KIF17: variants seen among roughly 807,000 people sequenced by gnomAD.
KIF17 encodes kinesin family member 17, also known as kinesin-like protein KIF17.
Under a neutral mutation model 96.8 loss-of-function variants are expected in KIF17, and 80 were observed. The observed-to-expected ratio is 0.83, with a 90% CI of 0.69 to 1.00. The LOEUF is 1.00. Among genes scored for constraint, KIF17 ranks in the 50% least tolerant of loss-of-function variants. The pLI is 0.00. For synonymous variants in KIF17, 567 were observed against 587.5 expected (o/e 0.97, Z 0.51); for missense variants, 1,280 against 1,372.9 (o/e 0.93, Z 1.07).
At chr1:20,711,322 T>C (rs557590222) in intron 3 of KIF17, among the ~76,000 whole-genome samples, 48 of 152,114 alleles carry the variant, frequency 3.2e-4, no homozygotes, top group Non-Finnish European at 6.2e-4. Flanking sequence ...AGGAAGGCTC[T>C]CTGCTCCCAC....
intron 6 of KIF17, among the ~76,000 whole-genome samples, chr1:20,691,624 ATTTTTTTTTTTTTT>A (rs72410884): frequency 8.1e-6 from 1 of 122,986 alleles, no homozygotes; most frequent in Non-Finnish European, 1.7e-5. Flanking sequence ...ACGTCTGGCT[ATTTTTTTTTTTTTT>A]TTTTTTTTTT....
chr1:20,686,238 C>T (rs901329046), intron 8 of KIF17, 112 bp from the exon 9 acceptor site: 2 of 823,460 alleles, frequency 2.4e-6, no homozygotes, highest in Non-Finnish European at 4.1e-6. Context: ...CACCACCCCC[C>T]AACCTCCCCT....
Position 20,690,352 on chromosome 1 carries a change from G to GGCGCA in KIF17, c.1234-18_1234-17insTGCGC. ...TTCATACTCCTGGGGGGGTGGGAGG[G>GGCGCA]ACCAGAGGGCAGGCAGCATTTTATC... On this transcript the variant is annotated splice_polypyrimidine_tract_variant and intron_variant, in intron 6 of 14. Transcript: ENST00000400463. 1.1e-5 allele frequency: 5 copies of GGCGCA among 451,150 alleles called. No individual in the cohort carries two copies. The highest frequency in any genetic ancestry group is 2.1e-5 in the Non-Finnish European group (5 of 235,128). 27.9% of individuals were successfully genotyped at this position (451,150 alleles called of 1,614,324 possible).
chr1:20,667,510 C>T (rs111355750), intron 13 of KIF17, among the ~76,000 whole-genome samples: 2 of 152,068 alleles, frequency 1.3e-5, no homozygotes, highest in African/African-American at 2.4e-5. Context: ...TGAATCATCC[C>T]GAAACTATCA....
rs770428005 is a variant in KIF17, at chr1:20,664,659, G to A, written c.3012C>T (p.Leu1004=). ...PEMPQPRPFR[L]ESLDIPFTKA... is the part of the protein sequence containing the mutation. ...TGGTGAAAGGGATGTCGAGGGACTC[G>A]AGGCGGAAGGGCCGGGGCTGGGGCA... The change falls in exon 15 of 15, where the codon CTC becomes CTT. Residue 1004 remains leucine, a synonymous_variant. Coordinates refer to ENST00000400463, the MANE Select transcript of KIF17 (RefSeq NM_001122819.3). 5.6e-5 allele frequency: 90 copies of A among 1,613,576 alleles called. No individual in the cohort carries two copies. Among genetic ancestry groups the A allele is most frequent in the South Asian group, 3.2e-4 (29 of 91,064 alleles).
intron 6 of KIF17, among the ~76,000 whole-genome samples, chr1:20,697,450 T>A (rs12037167): frequency 2.7e-5 from 4 of 145,798 alleles, no homozygotes; most frequent in South Asian, 4.4e-4. Context: ...TACAAAAAAA[T>A]TTAAAAATTA....
rs138004364 is a variant in KIF17 at position 20,690,290 on chromosome 1, C to T, written c.1279G>A (p.Glu427Lys). Residue 427 changes from glutamate to lysine, a missense_variant, in exon 7 of 15, where the codon GAG becomes AAG. Physicochemically the swap from Glu to Lys is moderately conservative, Grantham distance 56. Transcript: ENST00000400463. ...LARLKADYKA[E>K]QESRARLEED... The stretch of plus-strand genomic sequence containing the variant: ...TCCAGCCTGGCCCGAGACTCCTGCT[C>T]GGCCTTATAGTCGGCTTTCAGCCGG... 7.4e-6 allele frequency: 10 copies of T among 1,349,132 alleles called. No homozygotes were observed. The Admixed American group carries it at 1.3e-4, about 17-fold the overall frequency. 83.6% of individuals were successfully genotyped at this position (1,349,132 alleles called of 1,614,324 possible).
chr1:20,675,324 T>C (rs983365998), intron 11 of KIF17, among the ~76,000 whole-genome samples: 11 of 151,400 alleles, frequency 7.3e-5, no homozygotes, highest in Middle Eastern at 3.4e-3. Context: ...GGTGGGTGCC[T>C]GTAGTCCCAG....
chr1:20,673,378 TTTG>T, intron 11 of KIF17, among the ~76,000 whole-genome samples: 1 of 38,666 alleles, frequency 2.6e-5, no homozygotes, highest in African/African-American at 6.7e-5. Context: ...TTCCATTTCT[TTTG>T]TTTGTTTGTT....
At chr1:20,703,169 G>GAAT (rs1393766005) in intron 5 of KIF17, among the ~76,000 whole-genome samples, 33 of 107,470 alleles carry the variant, frequency 3.1e-4, no homozygotes, top group South Asian at 1.6e-3. Context: ...GGATGGAGAT[G>GAAT]GATGGATGAA....
chr1:20,673,377 T>TTTTGTTTG (rs35008753), intron 11 of KIF17, among the ~76,000 whole-genome samples: 53 of 150,592 alleles, frequency 3.5e-4, no homozygotes, highest in Non-Finnish European at 5.5e-4. Context: ...GTTCCATTTC[T>TTTTGTTTG]TTTGTTTGTT....
At position 20,712,739 on chromosome 1, in the gene KIF17, TTA is replaced by T. The variant is rs1158519332; in HGVS notation, c.480+713_480+714del. ...TAAAATTATATTATATCTATATATA[TTA>T]TATATATAAAATTATATTATATCTA... On this transcript the variant is annotated intron_variant, in intron 3 of 14. Transcript: ENST00000400463. Among the ~76,000 whole-genome samples the T allele has an allele frequency of 1.2e-4, 2 of 16,868 alleles. 1 individual carries two copies. Among genetic ancestry groups the T allele is most frequent in the African/African-American group, 3.1e-4 (2 of 6,394 alleles). 11.1% of individuals were successfully genotyped at this position (16,868 alleles called of 152,430 possible).
intron 9 of KIF17, 37 bp downstream of exon 9, chr1:20,686,009 C>G: frequency 2.0e-6 from 3 of 1,506,806 alleles, no homozygotes; most frequent in Non-Finnish European, 2.7e-6. Context: ...TTGAAGAGAA[C>G]CCCGTCCCCC....
At chr1:20,716,241 CAAAAAA>C (rs71585780) in intron 1 of KIF17, among the ~76,000 whole-genome samples, 6 of 111,772 alleles carry the variant, frequency 5.4e-5, no homozygotes, top group Admixed American at 2.9e-4. Context: ...GACTCCGTCT[CAAAAAA>C]AAAAAAAAAA....
rs1361453339 is a variant in KIF17 at position 20,712,700 on chromosome 1, ATAT to A, written c.480+751_480+753del. Among the ~76,000 whole-genome samples, 31 of 83,624 alleles carry A rather than the reference ATAT, an allele frequency of 3.7e-4. 2 individuals are homozygous for A. Among genetic ancestry groups the A allele is most frequent in the African/African-American group, 1.0e-3 (19 of 18,782 alleles). 54.9% of individuals were successfully genotyped at this position (83,624 alleles called of 152,430 possible). On this transcript the variant is annotated intron_variant, in intron 3 of 14. Transcript: ENST00000400463. ...ATATTATCTATATATAATATAGATA[ATAT>A]TATCTATATATAAAATTATATTATA... is the stretch of plus-strand genomic sequence containing the variant.
At chr1:20,705,189 T>C (rs2054320415) in intron 4 of KIF17, among the ~76,000 whole-genome samples, 1 of 152,198 alleles carries the variant, frequency 6.6e-6, no homozygotes, top group Admixed American at 6.5e-5. Context: ...TGCAGACCAT[T>C]CTGAGTGCAA....
rs977018477 is a variant in KIF17 at position 20,690,411 on chromosome 1, T to C, written c.1234-76A>G. ...GAAACCCAGCTTTCAGTATTCCTTT[T>C]TGGTTATTCAAACAATACAGAACCT... is the stretch of plus-strand genomic sequence containing the variant. On this transcript the variant is annotated intron_variant, in intron 6 of 14. Coordinates refer to ENST00000400463, the MANE Select transcript of KIF17 (RefSeq NM_001122819.3). The C allele has an allele frequency of 3.4e-5, 50 of 1,454,028 alleles. No homozygotes were observed. In the Admixed American group the frequency reaches 6.5e-4, roughly 19 times the overall value. 90.1% of individuals were successfully genotyped at this position (1,454,028 alleles called of 1,614,324 possible).
intron 6 of KIF17, among the ~76,000 whole-genome samples, chr1:20,696,888 C>A (rs1281198116): frequency 6.6e-6 from 1 of 152,174 alleles, no homozygotes; most frequent in Non-Finnish European, 1.5e-5. Context: ...CCGGGAGCCT[C>A]CCCAGAGCTA....
Position 20,670,446 on chromosome 1 carries a change from G to A in KIF17, c.2765C>T (p.Ala922Val). ...PQNKPARKTS[A>V]ADNGEPNMED... The stretch of plus-strand genomic sequence containing the variant: ...CATGTTCGGCTCGCCATTGTCTGCT[G>A]CAGAGGTTTTGCGGGCTGGTTTGTT... Residue 922 changes from alanine to valine, a missense_variant, in exon 13 of 15, where the codon GCA (alanine) becomes GTA (valine). Transcript: ENST00000400463. 6.2e-7 allele frequency: 1 copy of A among 1,614,050 alleles called. No homozygotes were observed. Among genetic ancestry groups the A allele is most frequent in the Non-Finnish European group, 8.5e-7 (1 of 1,180,044 alleles).
Sources: gnomAD v4.1 joint callset for allele counts (sites outside exome capture counted in the v4.1 genomes callset) on GRCh38, gnomAD v4.1.1 for gene constraint, MANE v1.5 for transcripts, NCBI Gene and HGNC (gene_info 2026-07-23, HGNC 2026-07-21) for gene names.